GNB1: variants seen among roughly 807,000 people sequenced by gnomAD.
GNB1 encodes G protein subunit beta 1.
A neutral mutation model predicts 42.9 loss-of-function variants in GNB1; 2 were observed. The ratio of observed to expected loss-of-function variants is 0.05; its 90% confidence interval spans 0.02 to 0.15. The LOEUF (loss-of-function observed/expected upper bound fraction) is 0.15. GNB1 is among the 10% of genes least tolerant of loss of function. The pLI is 1.00. For synonymous variants in GNB1, 183 were observed against 174.7 expected, an observed-to-expected ratio of 1.05 and a Z score of -0.38; for missense variants, 193 against 462.2, an observed-to-expected ratio of 0.42 and a Z score of 5.34.
In GNB1 at chr1:1,790,889, G is replaced by A. The variant is rs1446497574; in HGVS notation, c.498-293C>T. On this transcript the variant is annotated intron_variant, in intron 8 of 11. Coordinates refer to ENST00000378609, the MANE Select transcript of GNB1 (RefSeq NM_002074.5). The surrounding 1 kb of genome is among the most constrained non-coding windows in gnomAD (Gnocchi z 5.4). ...ACAGGGAGCTGGGGGCACTTTTCAAGCAGCACCACTGAGGCTGTGCCCCCT... is the reference window on the plus strand; with the variant it reads ...ACAGGGAGCTGGGGGCACTTTTCAAACAGCACCACTGAGGCTGTGCCCCCT... Among the ~76,000 whole-genome samples the A allele has an allele frequency of 3.9e-5, 6 of 152,174 alleles. No homozygotes were observed. Among genetic ancestry groups the A allele is most frequent in the Non-Finnish European group, 8.8e-5 (6 of 68,030 alleles).
At chr1:1,828,892 CAT>C (rs1454012049) in intron 2 of GNB1, among the ~76,000 whole-genome samples, 3 of 123,056 alleles carry the variant, frequency 2.4e-5, no homozygotes, top group African/African-American at 8.9e-5. Context: ...CACATACACA[CAT>C]ACACACACAC....
intron 5 of GNB1, among the ~76,000 whole-genome samples, 173 bp from the exon 6 acceptor site, chr1:1,806,711 C>T (rs184112750): frequency 5.3e-5 from 8 of 152,320 alleles, no homozygotes; most frequent in East Asian, 3.9e-4. Flanking sequence ...CAGTTGCTCA[C>T]GTTTGTAATC....
At chr1:1,842,334 G>A (rs1021014729) in intron 1 of GNB1, among the ~76,000 whole-genome samples, 5 of 152,010 alleles carry the variant, frequency 3.3e-5, no homozygotes, top group Non-Finnish European at 7.4e-5. Context: ...GGAGGCTGAG[G>A]CAGGAGAATG....
At chr1:1,865,552 C>T (rs1648888266) in intron 1 of GNB1, among the ~76,000 whole-genome samples, 1 of 152,192 alleles carries the variant, frequency 6.6e-6, no homozygotes, top group South Asian at 2.1e-4. Context: ...TGCCACCGCA[C>T]TCCAACCTGG....
rs774748088 is a variant in GNB1, at chr1:1,790,364, G to A, written c.699+31C>T. The A allele has an allele frequency of 6.7e-7, 1 of 1,497,458 alleles. No individual in the cohort carries two copies. The highest frequency in any genetic ancestry group is 1.1e-5 in the South Asian group (1 of 88,784). 92.8% of individuals were successfully genotyped at this position (1,497,458 alleles called of 1,614,324 possible). A position where few individuals can be genotyped will look rare whatever the true frequency, so the allele number is the denominator to read the frequency against. ...TGAACGGCTAGCAGAGACGGCAGAG[G>A]ACCCGACCCCACACCTCCACCCAGA... is the stretch of plus-strand genomic sequence containing the variant. On this transcript the variant is annotated intron_variant, in intron 9 of 11. Coordinates refer to ENST00000378609, the MANE Select transcript of GNB1 (RefSeq NM_002074.5). The surrounding 1 kb of genome is among the most constrained non-coding windows in gnomAD (Gnocchi z 5.4).
intron 2 of GNB1, among the ~76,000 whole-genome samples, chr1:1,825,784 G>A (rs189002070): frequency 5.3e-5 from 8 of 151,612 alleles, no homozygotes; most frequent in African/African-American, 1.9e-4. Context: ...AGAATGGCGT[G>A]AACCTGGGAG....
intron 2 of GNB1, among the ~76,000 whole-genome samples, chr1:1,833,602 G>A (rs1647105627): frequency 6.6e-6 from 1 of 152,152 alleles, no homozygotes; most frequent in African/African-American, 2.4e-5. Flanking sequence ...CTAGTTTGAG[G>A]GAGACAGAAG....
chr1:1,791,952 A>G (rs1236289770), intron 8 of GNB1, among the ~76,000 whole-genome samples: 2 of 152,044 alleles, frequency 1.3e-5, no homozygotes, highest in East Asian at 1.9e-4. Flanking sequence ...TGCTTTGCTG[A>G]CAAGTTGGTT....
At position 1,874,123 on chromosome 1, in the gene GNB1, C is replaced by T. The variant is rs377314439; in HGVS notation, c.-96+16697G>A. On this transcript the variant is annotated intron_variant, in intron 1 of 11. Transcript: ENST00000378609. ...CTCGATCCATCCCTGTGGAAGCTAC[C>T]GAGGACAACACTCTTCAGTTCCCAC... is the stretch of plus-strand genomic sequence containing the variant. Among the ~76,000 whole-genome samples the T allele has an allele frequency of 1.1e-4, 17 of 152,262 alleles. 1 individual carries two copies. Among genetic ancestry groups the T allele is most frequent in the Admixed American group, 2.6e-4 (4 of 15,282 alleles).
rs375791054 is a variant in GNB1 at position 1,865,277 on chromosome 1, A to C, written c.-96+25543T>G. Among the ~76,000 whole-genome samples the C allele has an allele frequency of 4.9e-4, 72 of 146,652 alleles. No individual in the cohort carries two copies. In the East Asian group the frequency reaches 0.01, roughly 21 times the overall value. On this transcript the variant is annotated intron_variant, in intron 1 of 11. Transcript: ENST00000378609. ...ACTCCATCTCAAAAAACAAAAAAAAAACAAAAAAAAACCAAAAAAAAAAAA... is the reference window on the plus strand; with the variant it reads ...ACTCCATCTCAAAAAACAAAAAAAACACAAAAAAAAACCAAAAAAAAAAAA...
At chr1:1,817,697 ACTT>A (rs1646875678) in intron 4 of GNB1, 137 bp downstream of exon 4, 2 of 579,316 alleles carry the variant, frequency 3.5e-6, no homozygotes, top group South Asian at 2.1e-5. Context: ...CATCAGAATG[ACTT>A]CTTAATAAAA....
chr1:1,808,644 TTG>T (rs1254819776), intron 5 of GNB1, among the ~76,000 whole-genome samples: 7 of 84,850 alleles, frequency 8.2e-5, no homozygotes, highest in Non-Finnish European at 1.9e-4. Flanking sequence ...TTGTTTGTTT[TTG>T]TTTGTTTGTT....
rs1198754558 is a variant in GNB1, at chr1:1,848,618, A to G, written c.-95-9380T>C. Reference sequence around the variant, plus strand: ...TTTTCTCTCCCTTATGATTTTCTTAATATTTTCTCTAGCTTGATCACAAAA... The same window carrying G: ...TTTTCTCTCCCTTATGATTTTCTTAGTATTTTCTCTAGCTTGATCACAAAA... On this transcript the variant is annotated intron_variant, in intron 1 of 11. Coordinates refer to ENST00000378609, the MANE Select transcript of GNB1 (RefSeq NM_002074.5). 2.0e-5 allele frequency among the ~76,000 whole-genome samples: 3 copies of G among 152,130 alleles called. No homozygotes were observed. The South Asian group carries it at 6.2e-4, about 32-fold the overall frequency.
intron 7 of GNB1, among the ~76,000 whole-genome samples, chr1:1,801,055 A>G (rs1646618909): frequency 6.6e-6 from 1 of 152,234 alleles, no homozygotes; most frequent in South Asian, 2.1e-4. Flanking sequence ...TTTGAGACGG[A>G]GTCTCACTCT....
intron 3 of GNB1, among the ~76,000 whole-genome samples, chr1:1,818,868 A>C (rs947049395): frequency 6.6e-6 from 1 of 152,148 alleles, no homozygotes; most frequent in Non-Finnish European, 1.5e-5. Flanking sequence ...ATCTCAAAAA[A>C]AACAAAAATA....
intron 2 of GNB1, among the ~76,000 whole-genome samples, chr1:1,835,133 G>A (rs1471820285): frequency 6.6e-6 from 1 of 152,156 alleles, no homozygotes; most frequent in Admixed American, 6.6e-5. Flanking sequence ...ATGGGCGGTG[G>A]GGGTTAGAAT....
intron 2 of GNB1, among the ~76,000 whole-genome samples, chr1:1,828,164 T>C (rs900901230): frequency 4.6e-5 from 7 of 151,920 alleles, no homozygotes; most frequent in African/African-American, 1.2e-4. Context: ...CTACTAAAAA[T>C]ACAAAAATTA....
chr1:1,854,658 C>T (rs1648166889), intron 1 of GNB1, among the ~76,000 whole-genome samples: 1 of 152,146 alleles, frequency 6.6e-6, no homozygotes, highest in South Asian at 2.1e-4. Context: ...TGTAATCCCA[C>T]CTACTAGCGA....
At chr1:1,852,377 C>T (rs570785020) in intron 1 of GNB1, among the ~76,000 whole-genome samples, 2 of 152,092 alleles carry the variant, frequency 1.3e-5, no homozygotes, top group East Asian at 2.0e-4. Context: ...TATAGACGCC[C>T]GCCACCACGC....
Sources: gnomAD v4.1 joint callset for allele counts (sites outside exome capture counted in the v4.1 genomes callset) on GRCh38, gnomAD v4.1.1 for gene constraint, Gnocchi (gnomAD v3.1) non-coding constraint, MANE v1.5 for transcripts, NCBI Gene and HGNC (gene_info 2026-07-23, HGNC 2026-07-21) for gene names.